The following CNTLN variants were observed in gnomAD, a reference collection of about 807,000 sequenced individuals.
CNTLN encodes the protein centlein, centrosomal protein.
A neutral mutation model predicts 180.0 loss-of-function variants in CNTLN; 212 were observed. That is an observed-to-expected ratio of 1.18 (90% CI 1.05 to 1.32). The LOEUF is 1.32. CNTLN is among the 40% of genes most tolerant of loss of function. The pLI is 0.00. For synonymous variants in CNTLN, 722 were observed against 563.1 expected, an observed-to-expected ratio of 1.28 and a Z score of -3.99; for missense variants, 2,095 against 1,610.9, an observed-to-expected ratio of 1.30 and a Z score of -5.14.
intron 6 of CNTLN, 56 bp downstream of exon 6, chr9:17,273,922 A>C: frequency 7.6e-7 from 1 of 1,313,872 alleles, no homozygotes; most frequent in Non-Finnish European, 1.1e-6. Flanking sequence ...GTTATTCAGA[A>C]TGATACCATT....
chr9:17,516,626 C>T, the CNTLN span, among the ~76,000 whole-genome samples: 1 of 152,228 alleles, frequency 6.6e-6, no homozygotes, highest in South Asian at 2.1e-4. Context: ...TATGCCTTTA[C>T]TTTGGGTATA....
At chr9:17,176,637 G>A in intron 2 of CNTLN, among the ~76,000 whole-genome samples, 1 of 152,098 alleles carries the variant, frequency 6.6e-6, no homozygotes, top group East Asian at 1.9e-4. Context: ...TCTGTTTTCT[G>A]GAACAAATTG....
intron 12 of CNTLN, among the ~76,000 whole-genome samples, chr9:17,359,717 T>TG (rs1823149391): frequency 7.4e-5 from 1 of 13,478 alleles, no homozygotes; most frequent in Non-Finnish European, 1.7e-4. Context: ...CCGTCTATAC[T>TG]AAAAATACAA....
chr9:17,345,016 A>G (rs1457661943), intron 12 of CNTLN, among the ~76,000 whole-genome samples: 1 of 152,140 alleles, frequency 6.6e-6, no homozygotes, highest in Non-Finnish European at 1.5e-5. Flanking sequence ...TTCTTTCCGC[A>G]TAATGTCTTT....
At chr9:17,157,317 G>T (rs1819365548) in intron 2 of CNTLN, among the ~76,000 whole-genome samples, 1 of 152,066 alleles carries the variant, frequency 6.6e-6, no homozygotes, top group African/African-American at 2.4e-5. Context: ...CCATTAGAGA[G>T]GTTTCAGGAT....
At chr9:17,190,337 A>T (rs1821718060) in intron 2 of CNTLN, among the ~76,000 whole-genome samples, 1 of 151,928 alleles carries the variant, frequency 6.6e-6, no homozygotes, top group Non-Finnish European at 1.5e-5. Flanking sequence ...CTAGAAGTTA[A>T]TTCAGCTTTG....
chr9:17,323,711 C>T (rs1820075620), intron 8 of CNTLN, among the ~76,000 whole-genome samples: 1 of 152,192 alleles, frequency 6.6e-6, no homozygotes, highest in Non-Finnish European at 1.5e-5. Flanking sequence ...GGCAATATGG[C>T]TGGTCTCCAA....
At chr9:17,490,467 A>G (rs916122118) in intron 25 of CNTLN, among the ~76,000 whole-genome samples, 2 of 152,144 alleles carry the variant, frequency 1.3e-5, no homozygotes, top group African/African-American at 4.8e-5. Context: ...GTTTTAGTTA[A>G]ACAAAAGAAG....
At chr9:17,298,705 A>G (rs574541653) in intron 7 of CNTLN, 145 of 996,764 alleles carry the variant, frequency 1.5e-4, no homozygotes, top group South Asian at 7.4e-4. Flanking sequence ...TTTGTCAAGT[A>G]TGGCAGACTT....
intron 25 of CNTLN, among the ~76,000 whole-genome samples, chr9:17,498,924 T>A (rs1833597136): frequency 6.6e-6 from 1 of 152,080 alleles, no homozygotes; most frequent in East Asian, 1.9e-4. Flanking sequence ...TGTCTGTATG[T>A]CTCCCTCAGA....
chr9:17,405,697 A>G (rs1827331926), intron 15 of CNTLN, among the ~76,000 whole-genome samples: 1 of 151,742 alleles, frequency 6.6e-6, no homozygotes, highest in African/African-American at 2.4e-5. Context: ...ATCTCATAGT[A>G]TTTATTAACA....
chr9:17,523,075 T>C, the CNTLN span, among the ~76,000 whole-genome samples: 1 of 152,010 alleles, frequency 6.6e-6, no homozygotes, highest in Non-Finnish European at 1.5e-5. Context: ...ATGCCTAGAG[T>C]ATGTTGAGAG....
chr9:17,521,398 A>G, the CNTLN span, among the ~76,000 whole-genome samples: 3 of 152,256 alleles, frequency 2.0e-5, no homozygotes, highest in African/African-American at 4.8e-5. Flanking sequence ...AGGTTCTGTA[A>G]CAAGCTGAAC....
At chr9:17,266,325 A>G (rs182064073) in intron 5 of CNTLN, among the ~76,000 whole-genome samples, 2 of 152,212 alleles carry the variant, frequency 1.3e-5, no homozygotes, top group Admixed American at 1.3e-4. Context: ...CAGGTTGTTG[A>G]GTTTCCATGT....
At chr9:17,433,564 G>T (rs1829559155) in intron 18 of CNTLN, among the ~76,000 whole-genome samples, 1 of 151,958 alleles carries the variant, frequency 6.6e-6, no homozygotes, top group Non-Finnish European at 1.5e-5. Context: ...AGGATTACAG[G>T]CGTGAGCCAC....
rs78699641 is a variant in CNTLN, at chr9:17,206,139, G to T, written c.450-20064G>T. Reference sequence around the variant, plus strand: ...GCTGCCAGGAATGGGCTACCTTGGAGAATCGTCCCTGCTAACATTTCTGGA... The same window carrying T: ...GCTGCCAGGAATGGGCTACCTTGGATAATCGTCCCTGCTAACATTTCTGGA... On this transcript the variant is annotated intron_variant, in intron 2 of 25. Coordinates refer to ENST00000380647, the MANE Select transcript of CNTLN (RefSeq NM_017738.4). Among the ~76,000 whole-genome samples the T allele has an allele frequency of 9.9e-3, 1,501 of 152,236 alleles. 105 individuals are homozygous for T. The East Asian group carries it at 0.2, about 20-fold the overall frequency.
At chr9:17,334,536 G>A (rs1353464722) in intron 10 of CNTLN, among the ~76,000 whole-genome samples, 1 of 152,082 alleles carries the variant, frequency 6.6e-6, no homozygotes, top group Non-Finnish European at 1.5e-5. Flanking sequence ...ACGTGATAAT[G>A]GAGGCTCAGA....
intron 18 of CNTLN, chr9:17,448,110 C>T (rs763328124): frequency 6.7e-5 from 13 of 193,160 alleles, no homozygotes; most frequent in Non-Finnish European, 1.2e-4. Flanking sequence ...GGCCAAGTAC[C>T]GTACTCCCTT....
At chr9:17,217,690 G>C (rs1011310915) in intron 2 of CNTLN, among the ~76,000 whole-genome samples, 1 of 152,082 alleles carries the variant, frequency 6.6e-6, no homozygotes, top group Non-Finnish European at 1.5e-5. Flanking sequence ...GGCATATAAT[G>C]CACAATCATA....
Sources: allele counts gnomAD v4.1 joint callset (sites outside exome capture counted in the v4.1 genomes callset), GRCh38; gene constraint gnomAD v4.1.1; transcripts MANE v1.5; gene names NCBI Gene and HGNC (gene_info 2026-07-23, HGNC 2026-07-21).